Variants in ADAMTS17 observed in about 807,000 individuals in gnomAD.
ADAMTS17 encodes A disintegrin and metalloproteinase with thrombospondin motifs 17.
ADAMTS17 carries 113 observed loss-of-function variants against 141.5 expected under a neutral mutation model. The ratio of observed to expected loss-of-function variants is 0.80; its 90% CI spans 0.69 to 0.93. The LOEUF is 0.93. Among genes scored for constraint, ADAMTS17 ranks in the 40% least tolerant of loss-of-function variants. The pLI, the probability that ADAMTS17 is intolerant of heterozygous loss-of-function variation, is 0.00. For missense variants in ADAMTS17, 1,659 were observed against 1,517.9 expected (o/e 1.09, Z -1.54); for synonymous variants, 768 against 630.6 (o/e 1.22, Z -3.27).
intron 3 of ADAMTS17, among the ~76,000 whole-genome samples, chr15:100,304,723 G>C (rs904061860): frequency 3.9e-5 from 6 of 152,210 alleles, no homozygotes; most frequent in African/African-American, 1.4e-4. Flanking sequence ...CCGCCTTTGT[G>C]CATTTTGGTC....
At chr15:99,989,170 GCT>G (rs1343906736) in intron 20 of ADAMTS17, among the ~76,000 whole-genome samples, 1 of 152,206 alleles carries the variant, frequency 6.6e-6, no homozygotes, top group Non-Finnish European at 1.5e-5. Flanking sequence ...TCACGGAACT[GCT>G]CTGAGCCTCT....
chr15:100,128,869 G>C (rs2037886225), intron 12 of ADAMTS17: 1 of 152,182 alleles, frequency 6.6e-6, no homozygotes, highest in Admixed American at 6.5e-5. Flanking sequence ...AGTTCAGATG[G>C]TGACAGGGTT....
intron 18 of ADAMTS17, among the ~76,000 whole-genome samples, chr15:100,003,967 T>C (rs2573666): frequency 0.073 from 11,038 of 152,224 alleles, 1,222 homozygotes; most frequent in African/African-American, 0.23. Context: ...AAGGTGAATG[T>C]ACTTACTGCC....
At chr15:100,232,595 T>C (rs1468993515) in intron 7 of ADAMTS17, among the ~76,000 whole-genome samples, 2 of 152,204 alleles carry the variant, frequency 1.3e-5, no homozygotes, top group African/African-American at 4.8e-5. Flanking sequence ...AACGAAGGTC[T>C]CACGCTGGGC....
intron 12 of ADAMTS17, among the ~76,000 whole-genome samples, chr15:100,124,579 C>T (rs985788731): frequency 6.6e-6 from 1 of 152,240 alleles, no homozygotes; most frequent in African/African-American, 2.4e-5. Flanking sequence ...TGTGGTCACA[C>T]ATGCGCGCCC....
At chr15:100,336,168 T>C (rs1348053485) in intron 2 of ADAMTS17, among the ~76,000 whole-genome samples, 2 of 152,254 alleles carry the variant, frequency 1.3e-5, no homozygotes, top group Admixed American at 6.5e-5. Flanking sequence ...ACGTGTGTCC[T>C]AGACGATGCT....
rs28675950 is a variant in ADAMTS17, at chr15:100,049,425, G to T, written c.2456-433C>A. 7.9e-3 allele frequency among the ~76,000 whole-genome samples: 1,209 copies of T among 152,134 alleles called. 19 individuals carry two copies. Among genetic ancestry groups the T allele is most frequent in the African/African-American group, 0.028 (1,164 of 41,482 alleles). On this transcript the variant is annotated intron_variant, in intron 17 of 21. Coordinates refer to ENST00000268070, the MANE Select transcript of ADAMTS17 (RefSeq NM_139057.4). Reference sequence around the variant, plus strand: ...CCTATTACAGAATTCCTGCTTGCTGGGGAGAAGTGGGAGATGAGGAGTCTG... The same window carrying T: ...CCTATTACAGAATTCCTGCTTGCTGTGGAGAAGTGGGAGATGAGGAGTCTG...
rs879388841 is a variant in ADAMTS17 at position 100,341,622 on chromosome 15, C to A, written c.79+199G>T. On this transcript the variant is annotated intron_variant, in intron 1 of 21. Coordinates refer to ENST00000268070, the MANE Select transcript of ADAMTS17 (RefSeq NM_139057.4). ...CACCTCCCGGAACGGCGCCGCGCAT[C>A]GGCGAGCGGAGACCCGGCGGCGGCG... Among the ~76,000 whole-genome samples, 448 of 150,436 alleles carry A rather than the reference C, an allele frequency of 3.0e-3. 1 individual carries two copies. The highest frequency in any genetic ancestry group is 5.2e-3 in the Non-Finnish European group (347 of 67,220).
rs555970990 is a variant in ADAMTS17, at chr15:100,053,889, C to A, written c.2295+8G>T. 6.2e-7 allele frequency: 1 copy of A among 1,614,184 alleles called. No individual in the cohort carries two copies. The highest frequency in any genetic ancestry group is 1.3e-5 in the African/African-American group (1 of 75,038). The stretch of plus-strand genomic sequence containing the variant: ...CCCTAAGACAAGTGTGGAAGCCCAG[C>A]AAGTTACCATCAAGTGCAGCGGTAG... On this transcript the variant is annotated splice_region_variant and intron_variant, in intron 16 of 21. Transcript: ENST00000268070.
intron 12 of ADAMTS17, among the ~76,000 whole-genome samples, chr15:100,118,677 G>A (rs1036958509): frequency 6.6e-6 from 1 of 152,200 alleles, no homozygotes; most frequent in Non-Finnish European, 1.5e-5. Flanking sequence ...ACCATTGGCA[G>A]ACAGAATGAA....
intron 18 of ADAMTS17, among the ~76,000 whole-genome samples, chr15:100,031,825 A>G (rs1002278259): frequency 6.6e-6 from 1 of 152,186 alleles, no homozygotes; most frequent in Non-Finnish European, 1.5e-5. Context: ...AGTGATTTCC[A>G]TATTTGTAGA....
In ADAMTS17 at chr15:100,270,887, T is replaced by C. The variant is rs572135303; in HGVS notation, c.790-8452A>G. On this transcript the variant is annotated intron_variant, in intron 4 of 21. Transcript: ENST00000268070. ...TCTTCATCTTGTAAAGCTGAAACTCTGTACCCATTAGACAACTCTTCATTC... is the reference window on the plus strand; with the variant it reads ...TCTTCATCTTGTAAAGCTGAAACTCCGTACCCATTAGACAACTCTTCATTC... Among the ~76,000 whole-genome samples the C allele has an allele frequency of 4.0e-4, 60 of 151,708 alleles. 1 individual carries two copies. Among genetic ancestry groups the C allele is most frequent in the African/African-American group, 1.4e-3 (59 of 41,334 alleles).
Position 99,993,316 on chromosome 15 carries a change from C to A in ADAMTS17, c.2797-116G>T. The stretch of plus-strand genomic sequence containing the variant: ...TGTGGGGATGATACAAAGATGAAAA[C>A]CCACACTTCTGTCCTCAAAAAGCTC... On this transcript the variant is annotated intron_variant, in intron 19 of 21. Coordinates refer to ENST00000268070, the MANE Select transcript of ADAMTS17 (RefSeq NM_139057.4). This position sits in a 1 kb window ranked among gnomAD's most constrained non-coding sequence, Gnocchi z 4.3. The A allele has an allele frequency of 6.9e-7, 1 of 1,447,962 alleles. No individual in the cohort carries two copies. Among genetic ancestry groups the A allele is most frequent in the Non-Finnish European group, 9.6e-7 (1 of 1,041,758 alleles). 89.7% of individuals were successfully genotyped at this position (1,447,962 alleles called of 1,614,324 possible). A position where few individuals can be genotyped will look rare whatever the true frequency, so the allele number is the denominator to read the frequency against.
rs114181685 is a variant in ADAMTS17 at position 100,076,675 on chromosome 15, T to C, written c.2137+19681A>G. ...ATTCGTTAGGACATAGATTTATTGATATCAGTGTGTTCATTGTCATTTTCC... is the reference window on the plus strand; with the variant it reads ...ATTCGTTAGGACATAGATTTATTGACATCAGTGTGTTCATTGTCATTTTCC... On this transcript the variant is annotated intron_variant, in intron 15 of 21. Transcript: ENST00000268070. Among the ~76,000 whole-genome samples the C allele has an allele frequency of 1.3e-3, 204 of 152,342 alleles. 1 individual carries two copies. Among genetic ancestry groups the C allele is most frequent in the African/African-American group, 4.8e-3 (199 of 41,584 alleles).
rs772236279 is a variant in ADAMTS17 at position 100,261,651 on chromosome 15, A to T, written c.874-15T>A. 15 of 1,612,262 alleles carry T rather than the reference A, an allele frequency of 9.3e-6. No homozygotes were observed. The highest frequency in any genetic ancestry group is 6.7e-5 in the Admixed American group (4 of 59,754). On this transcript the variant is annotated splice_polypyrimidine_tract_variant and intron_variant, in intron 5 of 21. Coordinates refer to ENST00000268070, the MANE Select transcript of ADAMTS17 (RefSeq NM_139057.4). The stretch of plus-strand genomic sequence containing the variant: ...GACAACTTAGCCTAAAAAAAGTCAG[A>T]GGACAGTTAGAGAAACAAACGCCTG...
At chr15:100,259,578 T>C (rs375946074) in intron 6 of ADAMTS17, among the ~76,000 whole-genome samples, 4 of 152,236 alleles carry the variant, frequency 2.6e-5, no homozygotes, top group African/African-American at 4.8e-5. Context: ...AGCCATGTCA[T>C]AGACGATCAG....
At chr15:100,217,908 A>G (rs779838970) in intron 7 of ADAMTS17, among the ~76,000 whole-genome samples, 2 of 152,216 alleles carry the variant, frequency 1.3e-5, no homozygotes, top group African/African-American at 4.8e-5. Flanking sequence ...ACTGATTAAC[A>G]GGGTCTCACT....
At chr15:100,331,886 A>G (rs1178611555) in intron 2 of ADAMTS17, among the ~76,000 whole-genome samples, 1 of 152,190 alleles carries the variant, frequency 6.6e-6, no homozygotes, top group Non-Finnish European at 1.5e-5. Flanking sequence ...CATGTAATAC[A>G]GGGACCACAC....
chr15:100,138,788 G>A (rs2038468204), intron 10 of ADAMTS17, among the ~76,000 whole-genome samples: 1 of 152,150 alleles, frequency 6.6e-6, no homozygotes, highest in Admixed American at 6.5e-5. Context: ...AGGGGCGGGA[G>A]GCAGTGTTCT....
Sources: gnomAD v4.1 joint callset for allele counts (sites outside exome capture counted in the v4.1 genomes callset) on GRCh38, gnomAD v4.1.1 for gene constraint, Gnocchi (gnomAD v3.1) non-coding constraint, MANE v1.5 for transcripts, NCBI Gene and HGNC (gene_info 2026-07-23, HGNC 2026-07-21) for gene names.